ZC3H14: variants seen among roughly 807,000 people sequenced by gnomAD.
ZC3H14 encodes zinc finger CCCH domain-containing protein 14.
A neutral mutation model predicts 92.4 loss-of-function variants in ZC3H14; 31 were observed. The ratio of observed to expected loss-of-function variants is 0.34; its 90% CI spans 0.25 to 0.45. The LOEUF (loss-of-function observed/expected upper bound fraction) is 0.45. Ranked by LOEUF, ZC3H14 falls within the 20% of genes least tolerant of loss-of-function variation. ZC3H14 has a pLI of 1.00. For missense variants in ZC3H14, 781 were observed against 897.3 expected (o/e 0.87, Z 1.66); for synonymous variants, 321 against 300.9 (o/e 1.07, Z -0.69).
intron 10 of ZC3H14, among the ~76,000 whole-genome samples, chr14:88,601,694 T>A (rs1241806427): frequency 6.6e-6 from 1 of 152,078 alleles, no homozygotes; most frequent in Middle Eastern, 3.2e-3. Flanking sequence ...GGTTAGGGAG[T>A]GTTAATCAGA....
intron 10 of ZC3H14, among the ~76,000 whole-genome samples, chr14:88,599,965 G>A (rs760269386): frequency 7.9e-5 from 12 of 152,092 alleles, no homozygotes; most frequent in Admixed American, 1.3e-4. Flanking sequence ...AGTGAGAGAC[G>A]GCCACCCTGA....
At chr14:88,610,645 T>TAAA (rs11453178) in intron 15 of ZC3H14, among the ~76,000 whole-genome samples, 189 bp from the exon 16 acceptor site, 2,155 of 144,388 alleles carry the variant, frequency 0.015, 34 homozygotes, top group Non-Finnish European at 0.021. Context: ...CCCCATCTCT[T>TAAA]AAAAAAAAAA....
chr14:88,605,680 CTGTT>C (rs766159793), intron 12 of ZC3H14, among the ~76,000 whole-genome samples: 3 of 152,136 alleles, frequency 2.0e-5, no homozygotes, highest in Admixed American at 6.5e-5. Context: ...GCATAGAAAA[CTGTT>C]TGTATCAGGC....
At chr14:88,564,742 T>C (rs920767765) in intron 2 of ZC3H14, among the ~76,000 whole-genome samples, 1 of 152,196 alleles carries the variant, frequency 6.6e-6, no homozygotes, top group Non-Finnish European at 1.5e-5. Context: ...ATGTCATTGA[T>C]GAAGATGTGA....
chr14:88,627,226 C>G lies in ZC3H14; in HGVS notation c.*15475C>G, dbSNP rs1328398179. The stretch of plus-strand genomic sequence containing the variant: ...TTATTTGTGTATTGAGTCCTTTTCA[C>G]TTATCTTCGCTCCATTAACTTTTCT... On this transcript the variant is annotated 3_prime_UTR_variant, in exon 17 of 17. Coordinates refer to ENST00000251038, the MANE Select transcript of ZC3H14 (RefSeq NM_024824.5). 8 of 616,232 alleles carry G rather than the reference C, an allele frequency of 1.3e-5. No individual in the cohort carries two copies. Among genetic ancestry groups the G allele is most frequent in the Non-Finnish European group, 2.0e-5 (7 of 354,888 alleles). The allele number at this position is 616,232 out of a possible 1,614,324, so 38.2% of individuals were successfully genotyped here. A position where few individuals can be genotyped will look rare whatever the true frequency, so the allele number is the denominator to read the frequency against.
At chr14:88,594,386 G>A (rs2083530329) in intron 9 of ZC3H14, 1 of 1,064,134 alleles carries the variant, frequency 9.4e-7, no homozygotes, top group African/African-American at 1.7e-5. Context: ...GGATTATTTT[G>A]TATGTAATAA....
Position 88,626,558 on chromosome 14 carries a change from A to C in ZC3H14, c.*14807A>C, listed in dbSNP as rs558659003. On this transcript the variant is annotated 3_prime_UTR_variant, in exon 17 of 17. Transcript: ENST00000251038. ...CTTGAACCTGGGAGATGGAGGCTACAGTGAGCTATAATCGCACCATTGCAC... is the reference window on the plus strand; with the variant it reads ...CTTGAACCTGGGAGATGGAGGCTACCGTGAGCTATAATCGCACCATTGCAC... The C allele has an allele frequency of 2.7e-6, 1 of 369,012 alleles. No individual in the cohort carries two copies. The highest frequency in any genetic ancestry group is 5.4e-5 in the East Asian group (1 of 18,632). The allele number at this position is 369,012 out of a possible 1,614,324, so 22.9% of individuals were successfully genotyped here. A position where few individuals can be genotyped will look rare whatever the true frequency, so the allele number is the denominator to read the frequency against.
At chr14:88,571,027 T>C in intron 3 of ZC3H14, 57 bp from the exon 4 acceptor site, 1 of 1,375,858 alleles carries the variant, frequency 7.3e-7, no homozygotes, top group East Asian at 2.5e-5. Context: ...GAGTGACAGT[T>C]GAAATGAAAT....
In ZC3H14 at chr14:88,572,665, T is replaced by C; in HGVS notation, c.519T>C (p.Asp173=). 3 of 1,614,222 alleles carry C rather than the reference T, an allele frequency of 1.9e-6. No homozygotes were observed. In the South Asian group the frequency reaches 3.3e-5, roughly 18 times the overall value. ...REPAPSEDVI[D]IKPEPDDLID... is the part of the protein sequence containing the mutation. ...CAGCACCCTCTGAAGATGTGATTGA[T>C]ATTAAGCCAGAACCAGATGATCTCA... Residue 173 remains aspartate, a synonymous_variant, in exon 6 of 17, where the codon GAT becomes GAC. Transcript: ENST00000251038.
chr14:88,567,984 T>G (rs2079918289), intron 2 of ZC3H14, 55 bp from the exon 3 acceptor site: 1 of 1,444,150 alleles, frequency 6.9e-7, no homozygotes, highest in African/African-American at 1.4e-5. Context: ...CACATCAACT[T>G]TAAGAAGAAA....
intron 9 of ZC3H14, chr14:88,595,214 G>A: frequency 6.5e-7 from 1 of 1,541,948 alleles, no homozygotes; most frequent in Non-Finnish European, 8.6e-7. Context: ...AAGTTACAGA[G>A]AACTTGAATT....
At chr14:88,594,800 C>T (rs201894656) in intron 9 of ZC3H14, 1 of 1,614,042 alleles carries the variant, frequency 6.2e-7, no homozygotes, top group South Asian at 1.1e-5. Flanking sequence ...GACTTAGGTT[C>T]CATAACAAGC....
intron 14 of ZC3H14, 57 bp downstream of exon 14, chr14:88,609,460 G>A (rs1254713031): frequency 1.2e-6 from 2 of 1,610,292 alleles, no homozygotes; most frequent in Non-Finnish European, 1.7e-6. Flanking sequence ...GGCATTTTGT[G>A]ACTGTAAATG....
rs749439082 is a variant in ZC3H14 at position 88,616,254 on chromosome 14, T to C, written c.*4503T>C. 3.7e-6 allele frequency: 6 copies of C among 1,612,750 alleles called. No homozygotes were observed. The East Asian group carries it at 1.3e-4, about 36-fold the overall frequency. On this transcript the variant is annotated 3_prime_UTR_variant, in exon 17 of 17. Coordinates refer to ENST00000251038, the MANE Select transcript of ZC3H14 (RefSeq NM_024824.5). ...CTTTTGTGTTTTGCCTAAAAAACAA[T>C]GACAGACAAGCTCAGGGCATTTGGT... is the stretch of plus-strand genomic sequence containing the variant.
At chr14:88,610,330 AG>A (rs1397069409) in intron 15 of ZC3H14, among the ~76,000 whole-genome samples, 27 of 152,308 alleles carry the variant, frequency 1.8e-4, no homozygotes, top group African/African-American at 6.5e-4. Context: ...AGGGATAATT[AG>A]AAGTTTTTGT....
chr14:88,579,639 G>C (rs1430248487), intron 9 of ZC3H14, among the ~76,000 whole-genome samples: 1 of 152,172 alleles, frequency 6.6e-6, no homozygotes, highest in African/African-American at 2.4e-5. Context: ...CTCAAAGCAA[G>C]GTGCCATATT....
Position 88,571,133 on chromosome 14 carries a change from C to T in ZC3H14, c.235+9C>T. ...TCGCTCTGTTACAACTGGTAAGATT[C>T]ATAACTTTTTTTTTTAATTTCTGCT... On this transcript the variant is annotated intron_variant, in intron 4 of 16. Transcript: ENST00000251038. The T allele has an allele frequency of 3.9e-6, 6 of 1,520,530 alleles. No individual in the cohort carries two copies. The highest frequency in any genetic ancestry group is 5.3e-6 in the Non-Finnish European group (6 of 1,124,370). The allele number at this position is 1,520,530 out of a possible 1,614,324, so 94.2% of individuals were successfully genotyped here. A position where few individuals can be genotyped will look rare whatever the true frequency, so the allele number is the denominator to read the frequency against.
chr14:88,579,786 G>A lies in ZC3H14; in HGVS notation c.1279+1646G>A, dbSNP rs74077926. On this transcript the variant is annotated intron_variant, in intron 9 of 16. Transcript: ENST00000251038. Reference sequence around the variant, plus strand: ...CTGTGCCGAATTAAAAGATAAAAGGGAATAAAAGACAAAACAGCATTGTTT... The same window carrying A: ...CTGTGCCGAATTAAAAGATAAAAGGAAATAAAAGACAAAACAGCATTGTTT... Among the ~76,000 whole-genome samples the A allele has an allele frequency of 1.9e-3, 296 of 152,152 alleles. 4 individuals are homozygous for A. The highest frequency in any genetic ancestry group is 6.7e-3 in the African/African-American group (279 of 41,520).
chr14:88,617,034 C>T lies in ZC3H14; in HGVS notation c.*5283C>T. On this transcript the variant is annotated 3_prime_UTR_variant, in exon 17 of 17. Coordinates refer to ENST00000251038, the MANE Select transcript of ZC3H14 (RefSeq NM_024824.5). ...GTAAGTTGTTTGGAGACCTGAATTT[C>T]ATCAGGATATCAACTCCTGCCTTTT... 1 of 551,782 alleles carries T rather than the reference C, an allele frequency of 1.8e-6. No homozygotes were observed. Among genetic ancestry groups the T allele is most frequent in the Non-Finnish European group, 3.1e-6 (1 of 324,340 alleles). 34.2% of individuals were successfully genotyped at this position (551,782 alleles called of 1,614,324 possible). A position where few individuals can be genotyped will look rare whatever the true frequency, so the allele number is the denominator to read the frequency against.
Sources: gnomAD v4.1 joint callset for allele counts (sites outside exome capture counted in the v4.1 genomes callset) on GRCh38, gnomAD v4.1.1 for gene constraint, MANE v1.5 for transcripts, NCBI Gene and HGNC (gene_info 2026-07-23, HGNC 2026-07-21) for gene names.